The following TENM3 variants were observed in gnomAD, a reference collection of about 807,000 sequenced individuals.
TENM3 encodes teneurin transmembrane protein 3.
TENM3 carries 63 observed loss-of-function variants against 255.1 expected under a neutral mutation model. The ratio of observed to expected loss-of-function variants is 0.25; its 90% CI spans 0.20 to 0.30. TENM3 has a LOEUF of 0.30. TENM3 is among the 10% of genes least tolerant of loss of function. The pLI, the probability that TENM3 is intolerant of heterozygous loss-of-function variation, is 1.00. For synonymous variants in TENM3, 1,306 were observed against 1,322.3 expected (o/e 0.99, Z 0.27); for missense variants, 2,929 against 3,461.1 (o/e 0.85, Z 3.86).
At chr4:181,478,773 C>T in the TENM3 span, among the ~76,000 whole-genome samples, 1 of 152,170 alleles carries the variant, frequency 6.6e-6, no homozygotes, top group African/African-American at 2.4e-5. Context: ...CTGTTCCTTG[C>T]CATTCCACAT....
the TENM3 span, among the ~76,000 whole-genome samples, chr4:181,936,885 G>A: frequency 6.6e-6 from 1 of 152,112 alleles, no homozygotes; most frequent in African/African-American, 2.4e-5. Flanking sequence ...GGCGCAAAGG[G>A]GGAAAAGAAA....
intron 3 of TENM3, among the ~76,000 whole-genome samples, chr4:182,526,630 C>T (rs1047083282): frequency 3.3e-5 from 5 of 152,154 alleles, no homozygotes; most frequent in African/African-American, 1.2e-4. Context: ...GAAGGTCGAG[C>T]TGTAATTGTG....
the TENM3 span, among the ~76,000 whole-genome samples, chr4:181,616,202 G>A: frequency 6.7e-6 from 1 of 149,542 alleles, no homozygotes; most frequent in Non-Finnish European, 1.5e-5. Context: ...GGCTGAAAAG[G>A]GAATCAGTGT....
At chr4:182,769,239 T>C (rs562984780) in intron 22 of TENM3, among the ~76,000 whole-genome samples, 27 of 152,316 alleles carry the variant, frequency 1.8e-4, no homozygotes, top group South Asian at 1.7e-3. Flanking sequence ...TTTCTTCTTT[T>C]GTGGAGGTAA....
chr4:181,906,098 G>T, the TENM3 span: 42 of 321,558 alleles, frequency 1.3e-4, 1 homozygote, highest in South Asian at 1.3e-3. Flanking sequence ...CAGTCCTGAA[G>T]GCACTGGATA....
At chr4:182,191,418 C>A (rs904682646) in intron 1 of TENM3, among the ~76,000 whole-genome samples, 1 of 152,174 alleles carries the variant, frequency 6.6e-6, no homozygotes, top group Non-Finnish European at 1.5e-5. Flanking sequence ...GTCAATCACA[C>A]ACCCATGATT....
In TENM3 at chr4:182,215,361, C is replaced by CT. The variant is rs577314530; in HGVS notation, c.-76+70608dup. ...TTGTGGCGAGCTCTATCTTCACTGA[C>CT]TAAATTACCACTTCACTCGATGAGT... On this transcript the variant is annotated intron_variant, in intron 1 of 2. Coordinates refer to the TENM3 transcript ENST00000512480. Among the ~76,000 whole-genome samples, 16 of 152,284 alleles carry CT rather than the reference C, an allele frequency of 1.1e-4. No individual in the cohort carries two copies. The South Asian group carries it at 3.3e-3, about 32-fold the overall frequency.
At position 182,680,266 on chromosome 4, in the gene TENM3, C is replaced by G. The variant is rs1756043770; in HGVS notation, c.1556C>G (p.Pro519Arg). 18 of 1,613,186 alleles carry G rather than the reference C, an allele frequency of 1.1e-5. No homozygotes were observed. Among genetic ancestry groups the G allele is most frequent in the Non-Finnish European group, 1.4e-5 (16 of 1,179,366 alleles). Residue 519 changes from proline to arginine, a missense_variant, in exon 9 of 28, where the codon CCC (proline) becomes CGC (arginine). By Grantham distance (103) the Pro-to-Arg change is moderately radical. Transcript: ENST00000511685. Reference sequence around the variant, plus strand: ...TCTTCAGAGTCTGTGGTGGAATGTCCCCGAAATTGCCATGGAAATGGAGAA... The same window carrying G: ...TCTTCAGAGTCTGTGGTGGAATGTCGCCGAAATTGCCATGGAAATGGAGAA... ...TIVIESVVEC[P>R]RNCHGNGECV...
intron 1 of TENM3, among the ~76,000 whole-genome samples, chr4:182,212,240 G>A: frequency 6.6e-6 from 1 of 152,214 alleles, no homozygotes; most frequent in East Asian, 1.9e-4. Context: ...GGAGCTTGCT[G>A]TGATGTGCTC....
chr4:182,160,375 G>A (rs72693860), intron 1 of TENM3, among the ~76,000 whole-genome samples: 20,281 of 152,064 alleles, frequency 0.13, 1,558 homozygotes, highest in East Asian at 0.37. Context: ...ATGACCTAAC[G>A]AGAATATTCT....
the TENM3 span, among the ~76,000 whole-genome samples, chr4:181,536,280 G>C: frequency 6.6e-6 from 1 of 152,184 alleles, no homozygotes; most frequent in East Asian, 1.9e-4. Flanking sequence ...TTGTGTTCCC[G>C]CATGAGGAGT....
chr4:181,732,321 T>C, the TENM3 span, among the ~76,000 whole-genome samples: 1 of 152,170 alleles, frequency 6.6e-6, no homozygotes, highest in Admixed American at 6.6e-5. Context: ...CAAAACAGTT[T>C]CACCCACTTC....
chr4:181,476,388 G>C, the TENM3 span, among the ~76,000 whole-genome samples: 1 of 151,996 alleles, frequency 6.6e-6, no homozygotes, highest in Admixed American at 6.5e-5. Context: ...CGTGAGGGCA[G>C]GTTCCTCCCA....
At chr4:181,906,608 T>G in the TENM3 span, 3 of 152,270 alleles carry the variant, frequency 2.0e-5, no homozygotes, top group Non-Finnish European at 4.4e-5. Context: ...GTTTCTCGCT[T>G]TAACACAAAG....
At chr4:181,577,164 ATATATAT>A in the TENM3 span, among the ~76,000 whole-genome samples, 2 of 132,598 alleles carry the variant, frequency 1.5e-5, no homozygotes, top group Non-Finnish European at 3.1e-5. Flanking sequence ...TATATAAATA[ATATATAT>A]TATATTATAT....
chr4:182,707,970 T>C (rs1256176855), intron 12 of TENM3: 1 of 151,374 alleles, frequency 6.6e-6, no homozygotes, highest in Non-Finnish European at 1.5e-5. Context: ...CAGTTTTTTC[T>C]ACTGGGGGGA....
At chr4:181,773,965 C>T in the TENM3 span, among the ~76,000 whole-genome samples, 1 of 144,748 alleles carries the variant, frequency 6.9e-6, no homozygotes, top group South Asian at 2.2e-4. Context: ...TTAGCTATAA[C>T]TTGTTAATTT....
intron 3 of TENM3, among the ~76,000 whole-genome samples, chr4:182,362,681 G>A (rs1265990157): frequency 2.0e-5 from 3 of 152,148 alleles, no homozygotes; most frequent in Admixed American, 2.0e-4. Flanking sequence ...CTTCCCGAGT[G>A]AGGCAATGCC....
At chr4:182,761,500 C>T (rs190960435) in intron 22 of TENM3, among the ~76,000 whole-genome samples, 3 of 152,160 alleles carry the variant, frequency 2.0e-5, no homozygotes, top group Non-Finnish European at 2.9e-5. Context: ...AAGCATCTGC[C>T]ATCCAACCCT....
Sources: gnomAD v4.1 joint callset for allele counts (sites outside exome capture counted in the v4.1 genomes callset) on GRCh38, gnomAD v4.1.1 for gene constraint, MANE v1.5 for transcripts, NCBI Gene and HGNC (gene_info 2026-07-23, HGNC 2026-07-21) for gene names.